The following GSDMC variants were observed in gnomAD, a reference collection of about 807,000 sequenced individuals.
The protein encoded by GSDMC is gasdermin-C.
In GSDMC, 59 loss-of-function variants were observed where a neutral mutation model predicts 58.0. That is an observed-to-expected ratio of 1.02 (90% confidence interval 0.82 to 1.26). The LOEUF (loss-of-function observed/expected upper bound fraction) is 1.26. Ranked by LOEUF, GSDMC falls within the 50% of genes most tolerant of loss-of-function variation. The probability of loss-of-function intolerance (pLI) is 0.00; values close to 1 mark genes in which losing one functional copy is unlikely to be tolerated. For synonymous variants in GSDMC, 241 were observed against 220.2 expected, an observed-to-expected ratio of 1.09 and a Z score of -0.83; for missense variants, 659 against 598.5, an observed-to-expected ratio of 1.10 and a Z score of -1.06.
At chr8:129,780,929 T>C (rs1563816864) in intron 1 of GSDMC, among the ~76,000 whole-genome samples, 1 of 130,728 alleles carries the variant, frequency 7.6e-6, no homozygotes, top group Non-Finnish European at 1.7e-5. Flanking sequence ...TAGTTTTCTG[T>C]TTGTGTTTGT....
the GSDMC span, among the ~76,000 whole-genome samples, chr8:129,713,561 T>C: frequency 6.6e-6 from 1 of 152,104 alleles, no homozygotes; most frequent in Non-Finnish European, 1.5e-5. Flanking sequence ...GTGGAGAGCA[T>C]ACCACCCAAG....
chr8:129,765,741 C>A lies in GSDMC; in HGVS notation c.457G>T (p.Asp153Tyr). The change falls in exon 4 of 14, where the codon GAC becomes TAC. Residue 153 changes from aspartate (D) to tyrosine (Y), a missense_variant. Coordinates refer to ENST00000276708, the MANE Select transcript of GSDMC (RefSeq NM_031415.3). Reference sequence around the variant, plus strand: ...GCCTCTGTCACCACGTACAGGTTGTCCCCTCTCCTCCGGCACTCCTTCAGA... The same window carrying A: ...GCCTCTGTCACCACGTACAGGTTGTACCCTCTCCTCCGGCACTCCTTCAGA... ...SFLKECRRRG[D>Y]NLYVVTEAVE... 1 of 1,613,544 alleles carries A rather than the reference C, an allele frequency of 6.2e-7. No homozygotes were observed. Among genetic ancestry groups the A allele is most frequent in the Non-Finnish European group, 8.5e-7 (1 of 1,179,458 alleles).
chr8:129,737,272 C>T, the GSDMC span, among the ~76,000 whole-genome samples: 1 of 152,058 alleles, frequency 6.6e-6, no homozygotes, highest in Admixed American at 6.6e-5. Context: ...ACTTTCTTCA[C>T]AGAATTGGAA....
chr8:129,737,693 T>A, the GSDMC span, among the ~76,000 whole-genome samples: 1 of 152,156 alleles, frequency 6.6e-6, no homozygotes, highest in Non-Finnish European at 1.5e-5. Flanking sequence ...ATGTAAGACC[T>A]AAAACCATAA....
In GSDMC at chr8:129,752,878, C is replaced by T; in HGVS notation, c.722-58G>A. On this transcript the variant is annotated intron_variant, in intron 6 of 13. Coordinates refer to ENST00000276708, the MANE Select transcript of GSDMC (RefSeq NM_031415.3). ...AACTTTACATTGAACTCAGTACTGCCTTGTCATAGCAGAGAGCAGAGCCAG... is the reference window on the plus strand; with the variant it reads ...AACTTTACATTGAACTCAGTACTGCTTTGTCATAGCAGAGAGCAGAGCCAG... 2 of 1,610,746 alleles carry T rather than the reference C, an allele frequency of 1.2e-6. 1 individual carries two copies. The highest frequency in any genetic ancestry group is 3.4e-4 in the Middle Eastern group (2 of 5,880).
At chr8:129,775,907 A>C (rs895807469) in intron 3 of GSDMC, among the ~76,000 whole-genome samples, 195 bp downstream of exon 3, 2 of 152,296 alleles carry the variant, frequency 1.3e-5, no homozygotes, top group South Asian at 2.1e-4. Flanking sequence ...TGCTCTAATA[A>C]GTATTTGTTA....
chr8:129,730,137 C>T, the GSDMC span: 11 of 988,880 alleles, frequency 1.1e-5, no homozygotes, highest in African/African-American at 1.5e-4. Flanking sequence ...CAAGAGAGAT[C>T]TCACCCGAAA....
At chr8:129,718,430 T>C in the GSDMC span, among the ~76,000 whole-genome samples, 1 of 152,146 alleles carries the variant, frequency 6.6e-6, no homozygotes, top group African/African-American at 2.4e-5. Flanking sequence ...AAAAAGCTCA[T>C]CATCTCATCA....
the GSDMC span, among the ~76,000 whole-genome samples, chr8:129,710,309 A>C: frequency 6.6e-6 from 1 of 152,226 alleles, no homozygotes; most frequent in Non-Finnish European, 1.5e-5. Flanking sequence ...CACGTACCCA[A>C]AACTTGCTGG....
chr8:129,730,144 G>GA, the GSDMC span: 4 of 1,016,270 alleles, frequency 3.9e-6, no homozygotes, highest in Non-Finnish European at 5.6e-6. Context: ...GATCTCACCC[G>GA]AAAAAATAAA....
downstream of GSDMC, among the ~76,000 whole-genome samples, chr8:129,747,316 C>T (rs1159190097): frequency 1.3e-5 from 2 of 151,734 alleles, no homozygotes; most frequent in East Asian, 3.9e-4. Flanking sequence ...GATACGGTTA[C>T]ACTCCTTGGC....
the GSDMC span, among the ~76,000 whole-genome samples, chr8:129,711,873 C>A: frequency 6.6e-6 from 1 of 152,118 alleles, no homozygotes; most frequent in African/African-American, 2.4e-5. Context: ...TCCAAGATAC[C>A]CAACTAAAAC....
the GSDMC span, among the ~76,000 whole-genome samples, chr8:129,724,959 G>C: frequency 3.3e-5 from 5 of 152,150 alleles, no homozygotes; most frequent in Admixed American, 3.3e-4. Flanking sequence ...CTACTTGGAG[G>C]TTTTCTTGAA....
At chr8:129,727,428 G>A in the GSDMC span, among the ~76,000 whole-genome samples, 1 of 152,172 alleles carries the variant, frequency 6.6e-6, no homozygotes, top group Non-Finnish European at 1.5e-5. Context: ...CAGCCCCCAT[G>A]ACAGTGTATG....
chr8:129,728,592 C>T, the GSDMC span, among the ~76,000 whole-genome samples: 1 of 152,244 alleles, frequency 6.6e-6, no homozygotes, highest in African/African-American at 2.4e-5. Context: ...AAGCAGGGAG[C>T]TCAGACCACT....
chr8:129,744,036 T>A (rs1469850066), downstream of GSDMC, among the ~76,000 whole-genome samples: 1 of 127,804 alleles, frequency 7.8e-6, no homozygotes, highest in African/African-American at 4.3e-5. Context: ...CTATGTAAGT[T>A]ACTGGATAAT....
At chr8:129,755,452 T>C (rs1275250463) in intron 6 of GSDMC, among the ~76,000 whole-genome samples, 2 of 152,164 alleles carry the variant, frequency 1.3e-5, no homozygotes, top group Non-Finnish European at 2.9e-5. Context: ...ACCAGACCTG[T>C]CTTATAAGAA....
At chr8:129,716,170 T>C in the GSDMC span, among the ~76,000 whole-genome samples, 2 of 152,158 alleles carry the variant, frequency 1.3e-5, no homozygotes, top group Admixed American at 6.5e-5. Context: ...AAGAATCCCA[T>C]TAAATGTAAG....
chr8:129,784,279 G>A (rs561826561), intron 1 of GSDMC, among the ~76,000 whole-genome samples: 1 of 151,914 alleles, frequency 6.6e-6, no homozygotes, highest in East Asian at 1.9e-4. Flanking sequence ...CTCCAGCAAA[G>A]GAAAAGATCA....
Sources: allele counts gnomAD v4.1 joint callset (sites outside exome capture counted in the v4.1 genomes callset), GRCh38; gene constraint gnomAD v4.1.1; transcripts MANE v1.5; gene names NCBI Gene and HGNC (gene_info 2026-07-23, HGNC 2026-07-21).